PTPRN2: variants seen among roughly 807,000 people sequenced by gnomAD.
PTPRN2 encodes the protein protein tyrosine phosphatase receptor type N2.
PTPRN2 carries 74 observed loss-of-function variants against 118.8 expected under a neutral mutation model. The ratio of observed to expected loss-of-function variants is 0.62; its 90% CI spans 0.52 to 0.76. The LOEUF is 0.76. Ranked by LOEUF, PTPRN2 falls within the 30% of genes least tolerant of loss-of-function variation. The probability of loss-of-function intolerance (pLI) is 0.00; values close to 1 mark genes in which losing one functional copy is unlikely to be tolerated. For missense variants in PTPRN2, 1,481 were observed against 1,394.4 expected, an observed-to-expected ratio of 1.06 and a Z score of -0.99; for synonymous variants, 641 against 608.0, an observed-to-expected ratio of 1.05 and a Z score of -0.80.
chr7:157,796,642 A>T (rs552120064), intron 12 of PTPRN2, among the ~76,000 whole-genome samples: 2 of 152,326 alleles, frequency 1.3e-5, no homozygotes, highest in South Asian at 4.1e-4. Context: ...AAAGAGGCTT[A>T]ATCGGCTCAG....
chr7:157,703,314 G>A (rs1044299547), intron 12 of PTPRN2, among the ~76,000 whole-genome samples: 1 of 152,236 alleles, frequency 6.6e-6, no homozygotes, highest in African/African-American at 2.4e-5. Context: ...TCTGCTGCCA[G>A]GTGGTGGCGG....
chr7:157,815,727 A>G (rs913626815), intron 12 of PTPRN2, among the ~76,000 whole-genome samples: 4 of 152,186 alleles, frequency 2.6e-5, no homozygotes, highest in African/African-American at 9.7e-5. Context: ...GAAGCTGTAG[A>G]GATCCTGGGA....
At position 157,771,897 on chromosome 7, in the gene PTPRN2, C is replaced by T. The variant is rs188563327; in HGVS notation, c.1789-88960G>A. 1.7e-3 allele frequency among the ~76,000 whole-genome samples: 258 copies of T among 151,502 alleles called. 2 individuals carry two copies. Among genetic ancestry groups the T allele is most frequent in the African/African-American group, 6.1e-3 (250 of 41,196 alleles). On this transcript the variant is annotated intron_variant, in intron 12 of 22. Coordinates refer to ENST00000389418, the MANE Select transcript of PTPRN2 (RefSeq NM_002847.5). ...ACACATGAACACACACAGACACAGA[C>T]ACAAACACACACAGACAAACACACA...
chr7:157,984,299 C>A (rs1388241860), intron 11 of PTPRN2, among the ~76,000 whole-genome samples: 1 of 131,394 alleles, frequency 7.6e-6, no homozygotes, highest in Non-Finnish European at 1.6e-5. Flanking sequence ...CCATCCCACG[C>A]CAGGCTCCAC....
rs1324022401 is a variant in PTPRN2, at chr7:158,337,226, A to C, written c.164-20294T>G. 2.3e-3 allele frequency among the ~76,000 whole-genome samples: 263 copies of C among 115,032 alleles called. No individual in the cohort carries two copies. In the Middle Eastern group the frequency reaches 0.025, roughly 11 times the overall value. The allele number at this position is 115,032 out of a possible 152,430, so 75.5% of individuals were successfully genotyped here. On this transcript the variant is annotated intron_variant, in intron 2 of 22. Coordinates refer to ENST00000389418, the MANE Select transcript of PTPRN2 (RefSeq NM_002847.5). Reference sequence around the variant, plus strand: ...AGAGGTGACACTTGCAGACGTCACTAACACCCACATTCTCACCATAAGAGC... The same window carrying C: ...AGAGGTGACACTTGCAGACGTCACTCACACCCACATTCTCACCATAAGAGC...
chr7:158,565,887 C>T lies in PTPRN2; in HGVS notation c.112+21671G>A, dbSNP rs1827640928. On this transcript the variant is annotated intron_variant, in intron 1 of 22. Coordinates refer to ENST00000389418, the MANE Select transcript of PTPRN2 (RefSeq NM_002847.5). The surrounding 1 kb of genome is among the most constrained non-coding windows in gnomAD (Gnocchi z 4.6). ...CATGGAGCTTCTTAGGAACTTTCCA[C>T]AGGTCACCTGACACTAAGCCCACAA... Among the ~76,000 whole-genome samples the T allele has an allele frequency of 1.3e-5, 2 of 152,310 alleles. No individual in the cohort carries two copies. Among genetic ancestry groups the T allele is most frequent in the African/African-American group, 2.4e-5 (1 of 41,558 alleles).
At chr7:158,162,299 T>C (rs1822430692) in intron 6 of PTPRN2, among the ~76,000 whole-genome samples, 1 of 152,236 alleles carries the variant, frequency 6.6e-6, no homozygotes, top group South Asian at 2.1e-4. Context: ...AGGGTGCTTA[T>C]GGCAGCTTTA....
intron 2 of PTPRN2, among the ~76,000 whole-genome samples, chr7:158,431,331 C>A (rs888040200): frequency 2.0e-5 from 3 of 149,292 alleles, no homozygotes; most frequent in African/African-American, 7.4e-5. Context: ...ACTGGCCACA[C>A]ACTTGCTCAC....
chr7:157,933,089 A>G (rs577654752), intron 11 of PTPRN2, among the ~76,000 whole-genome samples: 3 of 140,348 alleles, frequency 2.1e-5, no homozygotes, highest in African/African-American at 8.2e-5. Context: ...GGGATGAGTC[A>G]CTCTGACTGA....
chr7:158,523,040 G>C (rs56203314), intron 1 of PTPRN2, among the ~76,000 whole-genome samples: 1 of 152,232 alleles, frequency 6.6e-6, no homozygotes, highest in Non-Finnish European at 1.5e-5. Context: ...TTTAGGGATT[G>C]TCAGCATCAC....
At chr7:157,722,977 G>A (rs575628967) in intron 12 of PTPRN2, among the ~76,000 whole-genome samples, 29 of 152,360 alleles carry the variant, frequency 1.9e-4, no homozygotes, top group African/African-American at 4.8e-4. Context: ...TGCATTTTGC[G>A]TCCCTGGCTC....
chr7:157,822,786 A>G (rs1806933395), intron 12 of PTPRN2, among the ~76,000 whole-genome samples: 2 of 150,098 alleles, frequency 1.3e-5, no homozygotes, highest in Non-Finnish European at 3.0e-5. Flanking sequence ...TTCCTCCTAT[A>G]TATCCATCAG....
intron 2 of PTPRN2, among the ~76,000 whole-genome samples, chr7:158,467,848 T>C (rs1443349625): frequency 6.6e-6 from 1 of 152,160 alleles, no homozygotes. Flanking sequence ...GCCAAAGACC[T>C]GGGAGCCCCC....
chr7:158,493,080 CAT>C (rs976651933), intron 1 of PTPRN2, among the ~76,000 whole-genome samples: 4 of 152,238 alleles, frequency 2.6e-5, no homozygotes, highest in African/African-American at 4.8e-5. Context: ...TGCATGAAAA[CAT>C]GTGACATTCC....
At chr7:158,166,731 C>T (rs565387213) in intron 6 of PTPRN2, among the ~76,000 whole-genome samples, 200 bp downstream of exon 6, 13 of 152,318 alleles carry the variant, frequency 8.5e-5, no homozygotes, top group Admixed American at 7.2e-4. Flanking sequence ...GTGAAATGAC[C>T]ACATACTCCT....
rs945400793 is a variant in PTPRN2, at chr7:157,676,150, G to A, written c.2001+6575C>T. The stretch of plus-strand genomic sequence containing the variant: ...CAACTTGCAGCCGAGTCCTTTCCAC[G>A]ACACCCCAGCTCCCTGTCTAAACTC... On this transcript the variant is annotated intron_variant, in intron 13 of 22. Coordinates refer to ENST00000389418, the MANE Select transcript of PTPRN2 (RefSeq NM_002847.5). The surrounding 1 kb of genome is among the most constrained non-coding windows in gnomAD (Gnocchi z 5.6). Among the ~76,000 whole-genome samples the A allele has an allele frequency of 2.0e-5, 3 of 152,062 alleles. No individual in the cohort carries two copies. The highest frequency in any genetic ancestry group is 4.1e-4 in the South Asian group (2 of 4,820).
chr7:158,342,274 A>T (rs1356392644), intron 2 of PTPRN2, among the ~76,000 whole-genome samples: 6 of 105,996 alleles, frequency 5.7e-5, no homozygotes, highest in Non-Finnish European at 9.2e-5. Context: ...TCACACCCAC[A>T]CTCTCACCAT....
chr7:158,309,172 A>G (rs768903828), intron 3 of PTPRN2, among the ~76,000 whole-genome samples: 5 of 87,688 alleles, frequency 5.7e-5, no homozygotes, highest in Non-Finnish European at 1.0e-4. Flanking sequence ...TGAAGGATGC[A>G]AAGTATTGAT....
intron 15 of PTPRN2, among the ~76,000 whole-genome samples, chr7:157,605,698 G>C (rs1801963930): frequency 6.6e-6 from 1 of 152,222 alleles, no homozygotes; most frequent in Non-Finnish European, 1.5e-5. Context: ...TCAGCTCCTA[G>C]CAAAGGGGAG....
Sources: allele counts gnomAD v4.1 joint callset (sites outside exome capture counted in the v4.1 genomes callset), GRCh38; gene constraint gnomAD v4.1.1; non-coding constraint Gnocchi (gnomAD v3.1); transcripts MANE v1.5; gene names NCBI Gene and HGNC (gene_info 2026-07-23, HGNC 2026-07-21).